The following IRAK3 variants were observed in gnomAD, a reference collection of about 807,000 sequenced individuals.
The protein encoded by IRAK3 is interleukin 1 receptor associated kinase 3.
Under a neutral mutation model 56.6 loss-of-function variants are expected in IRAK3, and 57 were observed. The ratio of observed to expected loss-of-function variants is 1.01; its 90% CI spans 0.81 to 1.26. The LOEUF (loss-of-function observed/expected upper bound fraction) is 1.26. Ranked by LOEUF, IRAK3 falls within the 50% of genes most tolerant of loss-of-function variation. The pLI is 0.00. For synonymous variants in IRAK3, 258 were observed against 255.7 expected, an observed-to-expected ratio of 1.01 and a Z score of -0.09; for missense variants, 703 against 719.0, an observed-to-expected ratio of 0.98 and a Z score of 0.25.
intron 8 of IRAK3, among the ~76,000 whole-genome samples, chr12:66,241,556 C>T (rs547092671): frequency 6.6e-6 from 1 of 152,290 alleles, no homozygotes; most frequent in Middle Eastern, 3.4e-3. Context: ...AGAAATTGAT[C>T]GTTGAAGGGC....
intron 2 of IRAK3, among the ~76,000 whole-genome samples, chr12:66,207,004 A>G (rs1565801200): frequency 6.6e-6 from 1 of 152,106 alleles, no homozygotes; most frequent in Non-Finnish European, 1.5e-5. Context: ...ATTGTTCATA[A>G]TATTCCTTTA....
chr12:66,244,769 T>A, intron 9 of IRAK3, 85 bp downstream of exon 9: 3 of 1,264,902 alleles, frequency 2.4e-6, no homozygotes, highest in Non-Finnish European at 3.4e-6. Context: ...AGTTTTAACT[T>A]TTGACTCATT....
chr12:66,240,974 G>A (rs904302126), intron 8 of IRAK3, among the ~76,000 whole-genome samples: 1 of 151,906 alleles, frequency 6.6e-6, no homozygotes, highest in South Asian at 2.1e-4. Flanking sequence ...GGAGCATCTT[G>A]TCTTATGTTT....
At chr12:66,201,114 G>A (rs1306419194) in intron 1 of IRAK3, among the ~76,000 whole-genome samples, 1 of 152,172 alleles carries the variant, frequency 6.6e-6, no homozygotes, top group African/African-American at 2.4e-5. Flanking sequence ...ACCACGCCTG[G>A]ACCCAAAACA....
At chr12:66,213,780 TAA>T (rs60115710) in intron 5 of IRAK3, among the ~76,000 whole-genome samples, 275 of 116,162 alleles carry the variant, frequency 2.4e-3, no homozygotes, top group African/African-American at 7.3e-3. Flanking sequence ...GTCTACTAAT[TAA>T]AAAAAAAAAA....
intron 6 of IRAK3, among the ~76,000 whole-genome samples, chr12:66,219,799 T>G (rs1236563327): frequency 6.6e-6 from 1 of 152,228 alleles, no homozygotes; most frequent in Non-Finnish European, 1.5e-5. Flanking sequence ...TTCTGATGAT[T>G]AGTGATGTTA....
In IRAK3 at chr12:66,254,550, G is replaced by C. The variant is rs994343492; in HGVS notation, c.*6379G>C. On this transcript the variant is annotated 3_prime_UTR_variant, in exon 12 of 12. Transcript: ENST00000261233. ...TGATCTTTACATTCTTCAGACTCATGTGTGTTTGAAACTTTTTATAATGAA... is the reference window on the plus strand; with the variant it reads ...TGATCTTTACATTCTTCAGACTCATCTGTGTTTGAAACTTTTTATAATGAA... The C allele has an allele frequency of 1.2e-4, 18 of 150,908 alleles. No individual in the cohort carries two copies. Among genetic ancestry groups the C allele is most frequent in the Admixed American group, 2.6e-4 (4 of 15,146 alleles). The allele number at this position is 150,908 out of a possible 1,614,324, so 9.3% of individuals were successfully genotyped here.
intron 2 of IRAK3, among the ~76,000 whole-genome samples, chr12:66,208,324 T>TACAC (rs57185737): frequency 6.7e-6 from 1 of 149,904 alleles, no homozygotes; most frequent in Admixed American, 6.7e-5. Flanking sequence ...TTGTCATTGA[T>TACAC]ACACACACAC....
intron 1 of IRAK3, among the ~76,000 whole-genome samples, chr12:66,203,147 C>T (rs1242488205): frequency 6.6e-6 from 1 of 152,080 alleles, no homozygotes; most frequent in East Asian, 1.9e-4. Flanking sequence ...TGAGGAGAAG[C>T]AGAGTATTTC....
chr12:66,194,533 C>A (rs1347188732), intron 1 of IRAK3, among the ~76,000 whole-genome samples: 1 of 152,096 alleles, frequency 6.6e-6, no homozygotes, highest in Non-Finnish European at 1.5e-5. Flanking sequence ...CGCTCTAGAA[C>A]GTTACATGCC....
chr12:66,221,661 C>T (rs1292381012), intron 6 of IRAK3, among the ~76,000 whole-genome samples: 2 of 152,134 alleles, frequency 1.3e-5, no homozygotes, highest in Non-Finnish European at 2.9e-5. Flanking sequence ...GTATCATTTA[C>T]ATATTTGCAC....
At chr12:66,235,841 A>G (rs1371514513) in intron 8 of IRAK3, among the ~76,000 whole-genome samples, 1 of 152,196 alleles carries the variant, frequency 6.6e-6, no homozygotes, top group African/African-American at 2.4e-5. Context: ...TTATTTTTCA[A>G]TGGCTTATTT....
chr12:66,203,335 T>G (rs1480676902), intron 1 of IRAK3, among the ~76,000 whole-genome samples: 2 of 152,202 alleles, frequency 1.3e-5, no homozygotes, highest in Non-Finnish European at 2.9e-5. Flanking sequence ...ACAATATCAT[T>G]TCACTGTCCT....
rs749537577 is a variant in IRAK3 at position 66,248,197 on chromosome 12, G to T, written c.*26G>T. ...ATTCTACCAGAAGATAAAGAAAAAA[G>T]CAAGTATTGCATAGGCACCTGAGCA... On this transcript the variant is annotated 3_prime_UTR_variant, in exon 12 of 12. Transcript: ENST00000261233. 6.4e-7 allele frequency: 1 copy of T among 1,551,490 alleles called. No homozygotes were observed. The highest frequency in any genetic ancestry group is 2.2e-5 in the East Asian group (1 of 44,602).
Position 66,254,576 on chromosome 12 carries a change from C to T in IRAK3, c.*6405C>T, listed in dbSNP as rs1229258525. ...TGTGTTTGAAACTTTTTATAATGAA[C>T]ATATATCATTTTTATTAGAAAAGAA... is the stretch of plus-strand genomic sequence containing the variant. On this transcript the variant is annotated 3_prime_UTR_variant, in exon 12 of 12. Transcript: ENST00000261233. 2 of 150,138 alleles carry T rather than the reference C, an allele frequency of 1.3e-5. No individual in the cohort carries two copies. Among genetic ancestry groups the T allele is most frequent in the African/African-American group, 4.9e-5 (2 of 40,842 alleles). The allele number at this position is 150,138 out of a possible 1,614,324, so 9.3% of individuals were successfully genotyped here. A position where few individuals can be genotyped will look rare whatever the true frequency, so the allele number is the denominator to read the frequency against.
At chr12:66,215,790 A>ACGTGTGCGCGCGCG (rs1225435769) in intron 5 of IRAK3, among the ~76,000 whole-genome samples, 1 of 103,090 alleles carries the variant, frequency 9.7e-6, no homozygotes, top group Non-Finnish European at 2.4e-5. Flanking sequence ...CAACATGCAC[A>ACGTGTGCGCGCGCG]CACACACACA....
intron 6 of IRAK3, among the ~76,000 whole-genome samples, chr12:66,222,565 A>G (rs1009230304): frequency 1.3e-5 from 2 of 152,080 alleles, no homozygotes; most frequent in African/African-American, 2.4e-5. Flanking sequence ...TCTCAAAAAA[A>G]CAAGTCTCAT....
chr12:66,197,557 T>G (rs2052466743), intron 1 of IRAK3: 1 of 985,458 alleles, frequency 1.0e-6, no homozygotes, highest in South Asian at 4.7e-5. Context: ...AATCACCAGT[T>G]GGAAAAAGAG....
At chr12:66,237,709 G>T (rs2136947528) in intron 8 of IRAK3, among the ~76,000 whole-genome samples, 1 of 152,298 alleles carries the variant, frequency 6.6e-6, no homozygotes, top group Non-Finnish European at 1.5e-5. Flanking sequence ...CATGTTCCAT[G>T]TCTGATTGAT....
Sources: gnomAD v4.1 joint callset for allele counts (sites outside exome capture counted in the v4.1 genomes callset) on GRCh38, gnomAD v4.1.1 for gene constraint, MANE v1.5 for transcripts, NCBI Gene and HGNC (gene_info 2026-07-23, HGNC 2026-07-21) for gene names.